PI4KA: variants seen among roughly 807,000 people sequenced by gnomAD.
PI4KA encodes the protein phosphatidylinositol 4-kinase alpha, also known as PI4-kinase alpha.
Under a neutral mutation model 271.4 loss-of-function variants are expected in PI4KA, and 122 were observed. That is an observed-to-expected ratio of 0.45 (90% CI 0.39 to 0.52). PI4KA has a LOEUF of 0.52. Among genes scored for constraint, PI4KA ranks in the 20% least tolerant of loss-of-function variants. PI4KA has a pLI of 0.00. For synonymous variants in PI4KA, 1,041 were observed against 1,078.8 expected, an observed-to-expected ratio of 0.96 and a Z score of 0.69; for missense variants, 1,969 against 2,769.1, an observed-to-expected ratio of 0.71 and a Z score of 6.48.
At chr22:20,800,547 ATACAT>A (rs1359672523) in intron 14 of PI4KA, among the ~76,000 whole-genome samples, 4 of 151,938 alleles carry the variant, frequency 2.6e-5, no homozygotes, top group Non-Finnish European at 5.9e-5. Flanking sequence ...TTACTTTTCT[ATACAT>A]TACAATTTTT....
intron 2 of PI4KA, among the ~76,000 whole-genome samples, chr22:20,837,898 T>C (rs534568677): frequency 8.5e-5 from 13 of 152,102 alleles, no homozygotes; most frequent in African/African-American, 2.7e-4. Context: ...GCAGGCGGAT[T>C]ACCTGAGGTC....
chr22:20,718,939 T>C (rs1305661740), intron 43 of PI4KA, 117 bp from the exon 44 acceptor site: 3 of 1,076,092 alleles, frequency 2.8e-6, no homozygotes, highest in Non-Finnish European at 1.4e-6. Flanking sequence ...TCTGCAGGCT[T>C]GGTGAGACCA....
chr22:20,839,890 T>C (rs1925340107), intron 1 of PI4KA, among the ~76,000 whole-genome samples: 1 of 152,104 alleles, frequency 6.6e-6, no homozygotes, highest in African/African-American at 2.4e-5. Flanking sequence ...TAGTAAATGC[T>C]CAATAAACAT....
chr22:20,729,934 A>AC lies in PI4KA; in HGVS notation c.4365_4366insG (p.Tyr1456ValfsTer18). ...GTGGACATGCCGCTGGACAGGGGGT[A>AC]TGTGTTGATCCAGCCTTGGGTGGCT... is the stretch of plus-strand genomic sequence containing the variant. On this transcript the variant is annotated frameshift_variant, in exon 37 of 55. Transcript: ENST00000255882. LOFTEE classifies it high-confidence loss of function. 6.2e-7 allele frequency: 1 copy of AC among 1,614,136 alleles called. No individual in the cohort carries two copies. Among genetic ancestry groups the AC allele is most frequent in the Non-Finnish European group, 8.5e-7 (1 of 1,180,010 alleles).
chr22:20,775,995 G>A (rs1360205001), intron 19 of PI4KA, among the ~76,000 whole-genome samples: 1 of 152,166 alleles, frequency 6.6e-6, no homozygotes, highest in Non-Finnish European at 1.5e-5. Flanking sequence ...CAGAAACTGG[G>A]CCCAGTTCTA....
intron 1 of PI4KA, 151 bp downstream of exon 1, chr22:20,858,419 C>T: frequency 2.0e-6 from 1 of 512,518 alleles, no homozygotes; most frequent in Non-Finnish European, 3.0e-6. Context: ...GGGCCTCCTT[C>T]CCCCGCTAGA....
chr22:20,797,053 G>T (rs887559835), intron 17 of PI4KA, among the ~76,000 whole-genome samples: 1 of 152,126 alleles, frequency 6.6e-6, no homozygotes, highest in Non-Finnish European at 1.5e-5. Context: ...ATTTCTCTTC[G>T]TAGGATCACG....
chr22:20,751,225 T>C, intron 27 of PI4KA, 68 bp downstream of exon 27: 1 of 1,290,522 alleles, frequency 7.7e-7, no homozygotes, highest in Admixed American at 1.8e-5. Flanking sequence ...AGGTTGACCA[T>C]CTCGTGGAAA....
chr22:20,853,218 CA>C (rs1296622844), intron 1 of PI4KA, among the ~76,000 whole-genome samples: 2 of 152,094 alleles, frequency 1.3e-5, no homozygotes, highest in Non-Finnish European at 2.9e-5. Context: ...AATAGAAGGA[CA>C]AGGAATGCTA....
chr22:20,795,516 C>T (rs911054747), intron 18 of PI4KA, among the ~76,000 whole-genome samples: 12 of 152,132 alleles, frequency 7.9e-5, no homozygotes, highest in Non-Finnish European at 1.2e-4. Context: ...CACCCCTCTA[C>T]GCAAAAATAA....
intron 19 of PI4KA, among the ~76,000 whole-genome samples, chr22:20,788,388 T>G (rs1457931802): frequency 2.6e-5 from 4 of 152,208 alleles, no homozygotes; most frequent in Admixed American, 6.5e-5. Flanking sequence ...GGAACGTCAC[T>G]GCCCTTTGTA....
At chr22:20,765,262 G>A (rs1425532779) in intron 20 of PI4KA, 26 bp from the exon 21 acceptor site, 3 of 1,580,882 alleles carry the variant, frequency 1.9e-6, no homozygotes, top group Admixed American at 1.8e-5. Context: ...CATAAATGAG[G>A]AAATCACCTT....
intron 19 of PI4KA, among the ~76,000 whole-genome samples, chr22:20,770,958 CT>C (rs1932846959): frequency 6.6e-6 from 1 of 152,018 alleles, no homozygotes; most frequent in African/African-American, 2.4e-5. Flanking sequence ...GGTGGGAAGA[CT>C]GCTTGAAGCC....
At chr22:20,786,161 T>A in intron 19 of PI4KA, 1 of 1,613,776 alleles carries the variant, frequency 6.2e-7, no homozygotes, top group South Asian at 1.1e-5. Context: ...AACCACTCCC[T>A]TGTCCACCCC....
chr22:20,855,562 A>T (rs1011125337), intron 1 of PI4KA, among the ~76,000 whole-genome samples: 13 of 152,190 alleles, frequency 8.5e-5, no homozygotes, highest in Admixed American at 6.5e-5. Context: ...ATAGGAAAGG[A>T]CCTCAAGTGT....
rs899167715 is a variant in PI4KA, at chr22:20,717,612, A to C, written c.5317+96T>G. The C allele has an allele frequency of 2.2e-5, 25 of 1,138,738 alleles. No individual in the cohort carries two copies. In the African/African-American group the frequency reaches 2.4e-4, roughly 11 times the overall value. The allele number at this position is 1,138,738 out of a possible 1,614,324, so 70.5% of individuals were successfully genotyped here. A position where few individuals can be genotyped will look rare whatever the true frequency, so the allele number is the denominator to read the frequency against. ...TGGGGCTGGCCAAGCCACTGTGTCC[A>C]CATCCTGCAGTGCCTGGAGAGGGCA... On this transcript the variant is annotated intron_variant, in intron 45 of 54. Transcript: ENST00000255882.
chr22:20,798,709 T>C (rs1320242040), intron 16 of PI4KA, 22 bp from the exon 17 acceptor site: 2 of 1,507,832 alleles, frequency 1.3e-6, no homozygotes, highest in East Asian at 4.5e-5. Context: ...CAAGATGCAC[T>C]GTCACCATGC....
chr22:20,711,624 T>C (rs547413441), intron 50 of PI4KA, 163 bp from the exon 51 acceptor site: 2 of 731,720 alleles, frequency 2.7e-6, no homozygotes, highest in East Asian at 2.7e-5. Context: ...GTAGCAGGAG[T>C]GACAGGGGCT....
chr22:20,759,888 C>T (rs1353697654), intron 23 of PI4KA, among the ~76,000 whole-genome samples: 3 of 151,734 alleles, frequency 2.0e-5, no homozygotes, highest in Non-Finnish European at 2.9e-5. Flanking sequence ...TTAGTAGAGA[C>T]GGGGTTTCAC....
Sources: gnomAD v4.1 joint callset for allele counts (sites outside exome capture counted in the v4.1 genomes callset) on GRCh38, gnomAD v4.1.1 for gene constraint, MANE v1.5 for transcripts, NCBI Gene and HGNC (gene_info 2026-07-23, HGNC 2026-07-21) for gene names.